L2HGDH: variants seen among roughly 807,000 people sequenced by gnomAD.
L2HGDH encodes L-2-hydroxyglutarate dehydrogenase, mitochondrial.
L2HGDH carries 34 observed loss-of-function variants against 51.5 expected under a neutral mutation model. The ratio of observed to expected loss-of-function variants is 0.66; its 90% CI spans 0.50 to 0.88. The LOEUF (loss-of-function observed/expected upper bound fraction) is 0.88. Among genes scored for constraint, L2HGDH ranks in the 40% least tolerant of loss-of-function variants. L2HGDH has a pLI of 0.00. For synonymous variants in L2HGDH, 198 were observed against 197.9 expected (o/e 1.00, Z -0.01); for missense variants, 558 against 571.9 (o/e 0.98, Z 0.25).
intron 9 of L2HGDH, among the ~76,000 whole-genome samples, chr14:50,260,060 A>C (rs1261103282): frequency 2.0e-5 from 3 of 151,848 alleles, no homozygotes; most frequent in African/African-American, 7.2e-5. Flanking sequence ...TTTTCAGTTA[A>C]TTTGTTAGCT....
intron 8 of L2HGDH, among the ~76,000 whole-genome samples, chr14:50,266,809 TG>T (rs1889360458): frequency 6.6e-6 from 1 of 152,210 alleles, no homozygotes; most frequent in African/African-American, 2.4e-5. Flanking sequence ...GAAAATCTAG[TG>T]ATTTTCATGT....
chr14:50,306,357 T>G (rs73277332), intron 1 of L2HGDH, among the ~76,000 whole-genome samples: 1,591 of 152,212 alleles, frequency 0.01, 22 homozygotes, highest in South Asian at 0.034. Flanking sequence ...CTGTATTTTT[T>G]TAATTTATCA....
Position 50,245,507 on chromosome 14 carries a change from T to C in L2HGDH, c.*1551A>G. 11 of 974,802 alleles carry C rather than the reference T, an allele frequency of 1.1e-5. No individual in the cohort carries two copies. The highest frequency in any genetic ancestry group is 1.3e-5 in the Non-Finnish European group (11 of 820,288). The allele number at this position is 974,802 out of a possible 1,614,324, so 60.4% of individuals were successfully genotyped here. ...TTTGTTTTGTTATTTCCTACAAATA[T>C]TATAATTAAGATAGAAACTTATTCA... On this transcript the variant is annotated 3_prime_UTR_variant, in exon 10 of 10. Transcript: ENST00000267436.
chr14:50,244,419 A>G lies in L2HGDH; in HGVS notation c.*2639T>C. ...TTCAATTAGGACAATCATTTTTTGT[A>G]ATTCAATGTTTACAACTTAGTATGT... On this transcript the variant is annotated 3_prime_UTR_variant, in exon 10 of 10. Coordinates refer to ENST00000267436, the MANE Select transcript of L2HGDH (RefSeq NM_024884.3). 1 of 985,372 alleles carries G rather than the reference A, an allele frequency of 1.0e-6. No homozygotes were observed. The highest frequency in any genetic ancestry group is 4.7e-5 in the South Asian group (1 of 21,288). 61.0% of individuals were successfully genotyped at this position (985,372 alleles called of 1,614,324 possible). A position where few individuals can be genotyped will look rare whatever the true frequency, so the allele number is the denominator to read the frequency against.
At chr14:50,274,814 T>C (rs1427890956) in intron 6 of L2HGDH, among the ~76,000 whole-genome samples, 2 of 152,154 alleles carry the variant, frequency 1.3e-5, no homozygotes, top group Non-Finnish European at 1.5e-5. Context: ...ATTCTGCCAT[T>C]TGTGACAACA....
intron 9 of L2HGDH, among the ~76,000 whole-genome samples, chr14:50,257,209 ATGAGCCAC>A (rs1482525008): frequency 2.0e-5 from 3 of 152,118 alleles, no homozygotes; most frequent in Non-Finnish European, 4.4e-5. Context: ...GATTACAGGC[ATGAGCCAC>A]TGTGCCCAAC....
chr14:50,263,949 A>G lies in L2HGDH; in HGVS notation c.1196+1409T>C, dbSNP rs1889191928. ...TGCCACCATGCCTGGCTAATTTTGT[A>G]TTTTTAATAGAGACAAGGTTTCTCC... On this transcript the variant is annotated intron_variant, in intron 9 of 9. Coordinates refer to ENST00000267436, the MANE Select transcript of L2HGDH (RefSeq NM_024884.3). 2.0e-5 allele frequency among the ~76,000 whole-genome samples: 3 copies of G among 151,064 alleles called. No individual in the cohort carries two copies. In the South Asian group the frequency reaches 6.3e-4, roughly 32 times the overall value.
At chr14:50,309,219 C>G (rs2030908819) in intron 1 of L2HGDH, among the ~76,000 whole-genome samples, 1 of 152,080 alleles carries the variant, frequency 6.6e-6, no homozygotes, top group African/African-American at 2.4e-5. Context: ...TCTCTATGTC[C>G]AAAGATCTTG....
In L2HGDH at chr14:50,245,457, G is replaced by C. The variant is rs890357755; in HGVS notation, c.*1601C>G. 11 of 984,022 alleles carry C rather than the reference G, an allele frequency of 1.1e-5. No individual in the cohort carries two copies. Among genetic ancestry groups the C allele is most frequent in the Non-Finnish European group, 1.3e-5 (11 of 828,824 alleles). The allele number at this position is 984,022 out of a possible 1,614,324, so 61.0% of individuals were successfully genotyped here. ...TACCATACCACATCAGTTACAAAGA[G>C]ACTGGAAATAATAAAGGCTTTGAGT... On this transcript the variant is annotated 3_prime_UTR_variant, in exon 10 of 10. Transcript: ENST00000267436.
chr14:50,304,853 A>C (rs1595150273), intron 1 of L2HGDH, among the ~76,000 whole-genome samples: 1 of 152,102 alleles, frequency 6.6e-6, no homozygotes, highest in African/African-American at 2.4e-5. Context: ...AATTTAGAAC[A>C]ACCATGTATA....
chr14:50,273,025 G>A (rs578068840), intron 6 of L2HGDH, among the ~76,000 whole-genome samples: 17 of 152,228 alleles, frequency 1.1e-4, no homozygotes, highest in Non-Finnish European at 1.9e-4. Flanking sequence ...GCAGACCTCT[G>A]AACATCACAC....
At chr14:50,299,659 A>T (rs915709484) in intron 3 of L2HGDH, among the ~76,000 whole-genome samples, 24 of 152,190 alleles carry the variant, frequency 1.6e-4, no homozygotes, top group African/African-American at 5.5e-4. Flanking sequence ...GATGCAAAGG[A>T]TGGTTCAACA....
chr14:50,304,722 C>A (rs1340779086), intron 1 of L2HGDH, among the ~76,000 whole-genome samples: 1 of 152,138 alleles, frequency 6.6e-6, no homozygotes, highest in Non-Finnish European at 1.5e-5. Flanking sequence ...GTAGTCCCAG[C>A]TACTCGGGAG....
Position 50,265,453 on chromosome 14 carries a change from A to G in L2HGDH, c.1101T>C (p.Tyr367=), listed in dbSNP as rs751689813. The change falls in exon 9 of 10, where the codon TAT becomes TAC. Residue 367 remains tyrosine, a synonymous_variant. Coordinates refer to ENST00000267436, the MANE Select transcript of L2HGDH (RefSeq NM_024884.3). ...LIKLASQNFS[Y]GVTEMYKACF... ...ATGCTTTATACATTTCAGTAACTCC[A>G]TAGGAAAAATTCTGGGATGCCAGTT... The G allele has an allele frequency of 3.1e-6, 5 of 1,613,372 alleles. No individual in the cohort carries two copies. In the South Asian group the frequency reaches 3.3e-5, roughly 11 times the overall value.
chr14:50,269,277 G>T lies in L2HGDH; in HGVS notation c.792C>A (p.Asp264Glu), dbSNP rs757244874. ...YVVTCAGLYS[D>E]RISELSGCTP... ...TGCAGCCACTCAACTCTGAAATACG[G>T]TCTGAGTAAAGTCCTGCACATGTCA... The change falls in exon 7 of 10, where the codon GAC becomes GAA. Residue 264 changes from aspartate to glutamate, a missense_variant. Physicochemically the swap from Asp to Glu is conservative, Grantham distance 45. Around this residue, in one of 3 missense-constraint regions of L2HGDH, gnomAD observed 321 missense variants for 311.8 expected, o/e 1.03. Coordinates refer to ENST00000267436, the MANE Select transcript of L2HGDH (RefSeq NM_024884.3). The T allele has an allele frequency of 6.2e-7, 1 of 1,613,810 alleles. No homozygotes were observed. Among genetic ancestry groups the T allele is most frequent in the East Asian group, 2.2e-5 (1 of 44,878 alleles).
Position 50,245,799 on chromosome 14 carries a change from T to C in L2HGDH, c.*1259A>G, listed in dbSNP as rs149513621. On this transcript the variant is annotated 3_prime_UTR_variant, in exon 10 of 10. Transcript: ENST00000267436. ...AAAAAGCCAAATCTTCTCTAGGTCA[T>C]GGTTGGTAAGGACAGGTCATTAACA... The C allele has an allele frequency of 6.1e-3, 6,028 of 985,326 alleles. 25 individuals are homozygous for C. Among genetic ancestry groups the C allele is most frequent in the Non-Finnish European group, 6.9e-3 (5,687 of 829,852 alleles). 61.0% of individuals were successfully genotyped at this position (985,326 alleles called of 1,614,324 possible). A position where few individuals can be genotyped will look rare whatever the true frequency, so the allele number is the denominator to read the frequency against.
rs546802749 is a variant in L2HGDH, at chr14:50,312,115, G to A, written c.36C>T (p.Cys12=). Residue 12 remains cysteine, a synonymous_variant, in exon 1 of 10, where the codon TGC becomes TGT. Transcript: ENST00000267436. The stretch of plus-strand genomic sequence containing the variant: ...CGGCGAAAAGCCCGCGGGCCCGTCC[G>A]CAGGCACCAACCAAATAACGCAGCG... ...VPALRYLVGA[C]GRARGLFAGG... The A allele has an allele frequency of 1.6e-5, 25 of 1,609,586 alleles. No individual in the cohort carries two copies. The African/African-American group carries it at 3.2e-4, about 21-fold the overall frequency.
intron 9 of L2HGDH, among the ~76,000 whole-genome samples, chr14:50,249,814 C>CCAGCT (rs1888230230): frequency 6.7e-6 from 1 of 149,864 alleles, no homozygotes; most frequent in African/African-American, 2.5e-5. Flanking sequence ...ACCTTAGGTA[C>CCAGCT]CAGCTCAGCC....
chr14:50,257,637 CT>C (rs1277367242), intron 9 of L2HGDH, among the ~76,000 whole-genome samples: 1 of 152,048 alleles, frequency 6.6e-6, no homozygotes, highest in African/African-American at 2.4e-5. Flanking sequence ...TCCCAAAGTT[CT>C]GGGATTACAG....
Sources: gnomAD v4.1 joint callset for allele counts (sites outside exome capture counted in the v4.1 genomes callset) on GRCh38, gnomAD v4.1.1 for gene constraint, gnomAD v4.1.1 regional missense constraint, MANE v1.5 for transcripts, NCBI Gene and HGNC (gene_info 2026-07-23, HGNC 2026-07-21) for gene names.